POU2F1: variants seen among roughly 807,000 people sequenced by gnomAD.
The protein encoded by POU2F1 is POU domain, class 2, transcription factor 1.
Under a neutral mutation model 84.9 loss-of-function variants are expected in POU2F1, and 16 were observed. The ratio of observed to expected loss-of-function variants is 0.19; its 90% CI spans 0.13 to 0.29. The LOEUF (loss-of-function observed/expected upper bound fraction) is 0.29. Among genes scored for constraint, POU2F1 ranks in the 10% least tolerant of loss-of-function variants. The probability of loss-of-function intolerance (pLI) is 1.00; values close to 1 mark genes in which losing one functional copy is unlikely to be tolerated. For missense variants in POU2F1, 738 were observed against 942.6 expected (o/e 0.78, Z 2.84); for synonymous variants, 368 against 368.3 (o/e 1.00, Z 0.01).
chr1:167,344,616 G>T (rs1170005220), intron 2 of POU2F1, among the ~76,000 whole-genome samples: 1 of 152,124 alleles, frequency 6.6e-6, no homozygotes, highest in African/African-American at 2.4e-5. Context: ...TCATGTTAGA[G>T]TTTTTCTTAG....
chr1:167,415,219 A>G (rs1449698749), intron 15 of POU2F1, among the ~76,000 whole-genome samples: 1 of 152,250 alleles, frequency 6.6e-6, no homozygotes, highest in Non-Finnish European at 1.5e-5. Flanking sequence ...ATTTCAAGAC[A>G]CGAACATGAC....
chr1:167,367,916 CA>C (rs1244171340), intron 3 of POU2F1, among the ~76,000 whole-genome samples: 1 of 151,116 alleles, frequency 6.6e-6, no homozygotes, highest in Non-Finnish European at 1.5e-5. Context: ...GGCACCGAGC[CA>C]AAAAAAATTG....
intron 1 of POU2F1, among the ~76,000 whole-genome samples, chr1:167,297,840 A>G (rs1654394926): frequency 6.6e-6 from 1 of 152,152 alleles, no homozygotes; most frequent in Non-Finnish European, 1.5e-5. Flanking sequence ...TGGGCTGAGG[A>G]TGGACCCTAA....
At chr1:167,261,598 C>G (rs987014178) in intron 1 of POU2F1, among the ~76,000 whole-genome samples, 10 of 152,218 alleles carry the variant, frequency 6.6e-5, no homozygotes, top group African/African-American at 2.4e-4. Context: ...GGATGACCAA[C>G]TTTGATCTCT....
intron 2 of POU2F1, among the ~76,000 whole-genome samples, chr1:167,364,564 T>TC (rs77112506): frequency 0.72 from 86,966 of 120,636 alleles, 32,002 homozygotes; most frequent in East Asian, 0.87. Context: ...ATAACATTTT[T>TC]TTTTCTTTCT....
At chr1:167,414,013 GTT>G (rs996477028) in intron 15 of POU2F1, among the ~76,000 whole-genome samples, 14 of 151,148 alleles carry the variant, frequency 9.3e-5, no homozygotes, top group African/African-American at 3.4e-4. Flanking sequence ...AAATTAAAGT[GTT>G]TTGTGCATAA....
rs1292756690 is a variant in POU2F1, at chr1:167,376,471, T to C, written c.718+316T>C. The C allele has an allele frequency of 1.8e-5, 4 of 216,490 alleles. No homozygotes were observed. In the East Asian group the frequency reaches 4.3e-4, roughly 23 times the overall value. The allele number at this position is 216,490 out of a possible 1,614,324, so 13.4% of individuals were successfully genotyped here. ...GATAAGTTGCTGCTAGTGTTTTGAT[T>C]GTTTTTCATGGAAGTGTATTCAAAG... is the stretch of plus-strand genomic sequence containing the variant. On this transcript the variant is annotated intron_variant, in intron 7 of 15. Coordinates refer to ENST00000367866, the MANE Select transcript of POU2F1 (RefSeq NM_002697.4).
At chr1:167,370,265 T>C (rs534875155) in intron 4 of POU2F1, 51 bp downstream of exon 4, 37 of 1,479,184 alleles carry the variant, frequency 2.5e-5, no homozygotes, top group Non-Finnish European at 3.1e-5. Flanking sequence ...TTTTTTCTTA[T>C]ATTTTTCTGT....
At chr1:167,312,997 C>T (rs768781984) in intron 1 of POU2F1, among the ~76,000 whole-genome samples, 4 of 152,156 alleles carry the variant, frequency 2.6e-5, no homozygotes, top group Non-Finnish European at 2.9e-5. Context: ...TGTATAGTAG[C>T]CTGTACCATC....
Position 167,415,941 on chromosome 1 carries a change from GAA to G in POU2F1, c.*145_*146del, listed in dbSNP as rs35216157. On this transcript the variant is annotated 3_prime_UTR_variant, in exon 16 of 16. Transcript: ENST00000367866. ...TTGTGAGGGCAAAGGAGAGAAGGGA[GAA>G]AAAAAAAAAAAAACCACACACACCC... is the stretch of plus-strand genomic sequence containing the variant. 1.2e-3 allele frequency: 520 copies of G among 433,374 alleles called. No homozygotes were observed. Among genetic ancestry groups the G allele is most frequent in the Non-Finnish European group, 1.4e-3 (348 of 247,768 alleles). 26.8% of individuals were successfully genotyped at this position (433,374 alleles called of 1,614,324 possible). A position where few individuals can be genotyped will look rare whatever the true frequency, so the allele number is the denominator to read the frequency against.
intron 1 of POU2F1, among the ~76,000 whole-genome samples, chr1:167,251,698 T>C (rs1022920437): frequency 1.3e-5 from 2 of 152,212 alleles, no homozygotes; most frequent in African/African-American, 4.8e-5. Flanking sequence ...TGTGACTACA[T>C]AGGCTATGTT....
intron 1 of POU2F1, among the ~76,000 whole-genome samples, chr1:167,260,421 T>TA (rs1369708706): frequency 1.3e-5 from 2 of 152,212 alleles, no homozygotes; most frequent in African/African-American, 4.8e-5. Context: ...TTGTACTTTT[T>TA]ATGTGTTATT....
At chr1:167,254,521 T>G (rs1219986567) in intron 1 of POU2F1, among the ~76,000 whole-genome samples, 2 of 152,258 alleles carry the variant, frequency 1.3e-5, no homozygotes, top group Non-Finnish European at 2.9e-5. Flanking sequence ...ACATGTATCT[T>G]AATTCTTACT....
chr1:167,343,625 G>A (rs1420800882), intron 2 of POU2F1, among the ~76,000 whole-genome samples: 1 of 135,926 alleles, frequency 7.4e-6, no homozygotes. Context: ...ATAGAAGCCA[G>A]GGGTCAATTT....
intron 1 of POU2F1, among the ~76,000 whole-genome samples, chr1:167,307,880 G>A (rs1280747502): frequency 6.6e-6 from 1 of 152,052 alleles, no homozygotes; most frequent in Non-Finnish European, 1.5e-5. Flanking sequence ...AGTTCCATAA[G>A]TCTTTTTGAT....
intron 1 of POU2F1, among the ~76,000 whole-genome samples, chr1:167,300,979 A>G (rs1654656403): frequency 6.6e-6 from 1 of 152,086 alleles, no homozygotes; most frequent in Non-Finnish European, 1.5e-5. Flanking sequence ...CATGTTGGCC[A>G]GGCTGGTCTT....
intron 1 of POU2F1, among the ~76,000 whole-genome samples, chr1:167,282,295 C>T (rs1169581598): frequency 2.6e-5 from 4 of 152,012 alleles, no homozygotes; most frequent in African/African-American, 9.7e-5. Context: ...AGGCGCCCGC[C>T]ACCACGCCCA....
In POU2F1 at chr1:167,389,710, G is replaced by A; in HGVS notation, c.936G>A (p.Glu312=). 6.2e-7 allele frequency: 1 copy of A among 1,614,110 alleles called. No individual in the cohort carries two copies. Among genetic ancestry groups the A allele is most frequent in the Non-Finnish European group, 8.5e-7 (1 of 1,179,996 alleles). ...AGCCCAGTGACCTTGAGGAGCTTGA[G>A]CAGTTTGCCAAGACCTTCAAACAAA... The part of the protein sequence containing the change: ...LEEPSDLEEL[E]QFAKTFKQRR... The change falls in exon 9 of 16, where the codon GAG becomes GAA. Residue 312 remains glutamate (E), a synonymous_variant. Transcript: ENST00000367866.
intron 1 of POU2F1, among the ~76,000 whole-genome samples, chr1:167,243,824 A>G (rs1453124830): frequency 6.6e-6 from 1 of 152,220 alleles, no homozygotes; most frequent in Non-Finnish European, 1.5e-5. Context: ...CTTCATTATA[A>G]CATGTCCCAT....
Sources: gnomAD v4.1 joint callset for allele counts (sites outside exome capture counted in the v4.1 genomes callset) on GRCh38, gnomAD v4.1.1 for gene constraint, MANE v1.5 for transcripts, NCBI Gene and HGNC (gene_info 2026-07-23, HGNC 2026-07-21) for gene names.